The following ATXN1 variants were observed in gnomAD, a reference collection of about 807,000 sequenced individuals.
ATXN1 encodes ataxin-1.
In ATXN1, 8 loss-of-function variants were observed where a neutral mutation model predicts 56.4. The ratio of observed to expected loss-of-function variants is 0.14; its 90% CI spans 0.08 to 0.26. The LOEUF (loss-of-function observed/expected upper bound fraction) is 0.26. Ranked by LOEUF, ATXN1 falls within the 10% of genes least tolerant of loss-of-function variation. The pLI is 1.00. For missense variants in ATXN1, 987 were observed against 1,106.5 expected (o/e 0.89, Z 1.53); for synonymous variants, 514 against 494.6 (o/e 1.04, Z -0.52).
chr6:16,519,988 G>C (rs1761256247), intron 5 of ATXN1, among the ~76,000 whole-genome samples: 1 of 152,232 alleles, frequency 6.6e-6, no homozygotes, highest in East Asian at 1.9e-4. Context: ...CCCTCATCCT[G>C]CCCAGGATAC....
At chr6:16,554,455 C>G (rs1184112378) in intron 4 of ATXN1, among the ~76,000 whole-genome samples, 1 of 152,056 alleles carries the variant, frequency 6.6e-6, no homozygotes. Context: ...ATGTCTACAG[C>G]TTTTTTATTT....
At chr6:16,758,769 G>A (rs1032200064) in intron 1 of ATXN1, among the ~76,000 whole-genome samples, 2 of 152,190 alleles carry the variant, frequency 1.3e-5, no homozygotes. Flanking sequence ...GAGGTTCAGG[G>A]GAGCCCTTCA....
intron 2 of ATXN1, among the ~76,000 whole-genome samples, chr6:16,734,511 T>C (rs1438685303): frequency 1.3e-5 from 2 of 152,160 alleles, no homozygotes; most frequent in African/African-American, 4.8e-5. Flanking sequence ...GTGAAAAATA[T>C]ATGTATACTT....
intron 4 of ATXN1, among the ~76,000 whole-genome samples, chr6:16,545,259 T>C (rs1008026657): frequency 6.6e-6 from 1 of 152,214 alleles, no homozygotes; most frequent in South Asian, 2.1e-4. Context: ...TCCAGATTAA[T>C]AGGAGATGAA....
At chr6:16,610,965 G>C (rs935494793) in intron 3 of ATXN1, among the ~76,000 whole-genome samples, 9 of 152,008 alleles carry the variant, frequency 5.9e-5, no homozygotes, top group South Asian at 2.1e-4. Context: ...AGGAGGTCAA[G>C]GCTGCAGCGA....
chr6:16,393,536 T>C (rs1207004228), intron 6 of ATXN1, among the ~76,000 whole-genome samples: 2 of 152,242 alleles, frequency 1.3e-5, no homozygotes, highest in South Asian at 2.1e-4. Context: ...TGATGGTTCA[T>C]AGTGAGTTGT....
chr6:16,720,286 C>T (rs1423001019), intron 2 of ATXN1, among the ~76,000 whole-genome samples: 1 of 152,196 alleles, frequency 6.6e-6, no homozygotes, highest in Non-Finnish European at 1.5e-5. Context: ...CACTCTTTCT[C>T]CTAACATATC....
chr6:16,434,981 G>A (rs184990411), intron 6 of ATXN1, among the ~76,000 whole-genome samples: 58 of 152,278 alleles, frequency 3.8e-4, no homozygotes, highest in East Asian at 1.3e-3. Context: ...ATAGTGGGCC[G>A]GAAGAGAGAG....
chr6:16,449,485 ATGAGTT>A (rs2113610304), intron 6 of ATXN1, among the ~76,000 whole-genome samples: 1 of 152,252 alleles, frequency 6.6e-6, no homozygotes, highest in South Asian at 2.1e-4. Flanking sequence ...CCTCAGGCTT[ATGAGTT>A]TCTTCTTCTT....
chr6:16,620,262 AACACAC>A (rs60586256), intron 3 of ATXN1, among the ~76,000 whole-genome samples: 4,289 of 137,448 alleles, frequency 0.031, 59 homozygotes, highest in Middle Eastern at 0.053. Context: ...CTGTCTCTCA[AACACAC>A]ACACACACAC....
chr6:16,356,261 T>C (rs1761687044), intron 6 of ATXN1, among the ~76,000 whole-genome samples: 1 of 152,264 alleles, frequency 6.6e-6, no homozygotes, highest in African/African-American at 2.4e-5. Context: ...GGTCACGGAT[T>C]TTCTTCCTCC....
At chr6:16,342,846 A>C (rs1761285550) in intron 6 of ATXN1, among the ~76,000 whole-genome samples, 1 of 152,202 alleles carries the variant, frequency 6.6e-6, no homozygotes, top group Non-Finnish European at 1.5e-5. Flanking sequence ...AGCGTAGAAC[A>C]GGCGTTAGCA....
intron 2 of ATXN1, among the ~76,000 whole-genome samples, chr6:16,746,398 A>G (rs2113521806): frequency 6.6e-6 from 1 of 152,388 alleles, no homozygotes; most frequent in Non-Finnish European, 1.5e-5. Flanking sequence ...TTGACGCAGA[A>G]GAGAAAAGGA....
At chr6:16,693,619 G>A (rs940370523) in intron 2 of ATXN1, among the ~76,000 whole-genome samples, 1 of 151,954 alleles carries the variant, frequency 6.6e-6, no homozygotes, top group East Asian at 1.9e-4. Context: ...TGATCAAACA[G>A]AACTCTATTA....
intron 2 of ATXN1, among the ~76,000 whole-genome samples, chr6:16,685,699 T>C (rs1758903064): frequency 6.6e-6 from 1 of 152,198 alleles, no homozygotes; most frequent in Non-Finnish European, 1.5e-5. Flanking sequence ...AAGTACTATC[T>C]ACATGGAAAC....
intron 2 of ATXN1, among the ~76,000 whole-genome samples, chr6:16,660,888 G>A (rs1389103031): frequency 6.9e-6 from 1 of 143,926 alleles, no homozygotes; most frequent in Non-Finnish European, 1.5e-5. Flanking sequence ...ACCCAGGCTG[G>A]AGTGCAGTGG....
intron 6 of ATXN1, chr6:16,485,211 G>A (rs879585673): frequency 1.1e-4 from 17 of 151,996 alleles, no homozygotes; most frequent in Admixed American, 8.5e-4. Flanking sequence ...ACTGTGTTTT[G>A]TGACACAGTC....
At chr6:16,340,842 C>A (rs914567754) in intron 6 of ATXN1, among the ~76,000 whole-genome samples, 3 of 152,188 alleles carry the variant, frequency 2.0e-5, no homozygotes, top group East Asian at 1.9e-4. Flanking sequence ...AGGGAACAGG[C>A]AGATGGGTGG....
chr6:16,373,109 G>A (rs546797602), intron 6 of ATXN1, among the ~76,000 whole-genome samples: 1 of 152,306 alleles, frequency 6.6e-6, no homozygotes, highest in East Asian at 1.9e-4. Context: ...ACTCCATGGA[G>A]GAGGTTTCTG....
Sources: gnomAD v4.1 joint callset for allele counts (sites outside exome capture counted in the v4.1 genomes callset) on GRCh38, gnomAD v4.1.1 for gene constraint, MANE v1.5 for transcripts, NCBI Gene and HGNC (gene_info 2026-07-23, HGNC 2026-07-21) for gene names.